PRDM9: variants seen among roughly 807,000 people sequenced by gnomAD.
PRDM9 encodes PR/SET domain 9.
PRDM9 carries 47 observed loss-of-function variants against 55.6 expected under a neutral mutation model. That is an observed-to-expected ratio of 0.85 (90% confidence interval 0.67 to 1.08). The LOEUF is 1.08. Ranked by LOEUF, PRDM9 falls within the 50% of genes least tolerant of loss-of-function variation. The pLI is 0.00. For missense variants in PRDM9, 867 were observed against 1,040.3 expected, an observed-to-expected ratio of 0.83 and a Z score of 2.29; for synonymous variants, 312 against 375.7, an observed-to-expected ratio of 0.83 and a Z score of 1.96.
At chr5:23,521,213 T>G (rs774270524) in intron 6 of PRDM9, 34 bp downstream of exon 6, 1 of 1,607,416 alleles carries the variant, frequency 6.2e-7, no homozygotes, top group East Asian at 2.2e-5. Flanking sequence ...CTTTAGTCCC[T>G]CTATGTCCTC....
At position 23,524,401 on chromosome 5, in the gene PRDM9, T is replaced by C. The variant is rs1739391091; in HGVS notation, c.1018T>C (p.Phe340Leu). Residue 340 changes from phenylalanine to leucine, a missense_variant, in exon 10 of 11, where the codon TTC becomes CTC. Around this residue, in one of 5 missense-constraint regions of PRDM9, gnomAD observed 662 missense variants for 711.9 expected, o/e 0.93. Coordinates refer to ENST00000296682, the MANE Select transcript of PRDM9 (RefSeq NM_020227.4). ...GGCCTTCCAGTACCACAGGCAGATC[T>C]TCTATAGAACCTGCCGAGTCATTAG... ...LVAFQYHRQI[F>L]YRTCRVIRPG... The C allele has an allele frequency of 6.2e-7, 1 of 1,613,732 alleles. No homozygotes were observed. The highest frequency in any genetic ancestry group is 1.7e-5 in the Admixed American group (1 of 60,002).
Position 23,528,084 on chromosome 5 carries a change from C to T in PRDM9, c.*311C>T, listed in dbSNP as rs1375165353. ...TGTTCTAATAAATTTTGTCTCCATACAAATCTGAACCCCAAGTGTGTACCT... is the reference window on the plus strand; with the variant it reads ...TGTTCTAATAAATTTTGTCTCCATATAAATCTGAACCCCAAGTGTGTACCT... On this transcript the variant is annotated 3_prime_UTR_variant, in exon 11 of 11. Transcript: ENST00000296682. The T allele has an allele frequency of 4.3e-6, 2 of 460,342 alleles. No homozygotes were observed. The highest frequency in any genetic ancestry group is 8.0e-6 in the Non-Finnish European group (2 of 251,414). The allele number at this position is 460,342 out of a possible 1,614,324, so 28.5% of individuals were successfully genotyped here.
intron 2 of PRDM9, 142 bp from the exon 3 acceptor site, chr5:23,509,328 C>T: frequency 1.4e-6 from 2 of 1,475,354 alleles, no homozygotes; most frequent in African/African-American, 1.4e-5. Context: ...AAATGGGACA[C>T]AGTCTGGAGA....
intron 2 of PRDM9, 63 bp from the exon 3 acceptor site, chr5:23,509,407 G>A: frequency 3.1e-6 from 5 of 1,612,582 alleles, no homozygotes; most frequent in Non-Finnish European, 4.2e-6. Context: ...ACACAGGGTA[G>A]AGGAAAAGGA....
intron 8 of PRDM9, 142 bp downstream of exon 8, chr5:23,523,027 C>T (rs1341731753): frequency 9.6e-6 from 14 of 1,452,884 alleles, no homozygotes; most frequent in Non-Finnish European, 1.3e-5. Context: ...TGCATGAACA[C>T]GGAACTCCTA....
At chr5:23,510,180 A>G (rs1300358092) in intron 4 of PRDM9, among the ~76,000 whole-genome samples, 153 bp downstream of exon 4, 1 of 149,452 alleles carries the variant, frequency 6.7e-6, no homozygotes, top group African/African-American at 2.5e-5. Flanking sequence ...TCAGCCTCCC[A>G]AGTAACTGGG....
chr5:23,523,871 C>T (rs1223358476), intron 9 of PRDM9, among the ~76,000 whole-genome samples: 1 of 152,118 alleles, frequency 6.6e-6, no homozygotes, highest in African/African-American at 2.4e-5. Flanking sequence ...AGGTGAATGG[C>T]ACCTGAATGA....
intron 8 of PRDM9, 63 bp downstream of exon 8, chr5:23,522,948 G>A (rs1739363957): frequency 6.2e-6 from 10 of 1,612,414 alleles, no homozygotes; most frequent in Non-Finnish European, 8.5e-7. Flanking sequence ...CCTTTGGTGG[G>A]GCATAATCTT....
intron 8 of PRDM9, 37 bp downstream of exon 8, chr5:23,522,922 C>G (rs762496809): frequency 6.2e-7 from 1 of 1,614,208 alleles, no homozygotes; most frequent in Admixed American, 1.7e-5. Flanking sequence ...TTCTGTCTTC[C>G]CACATCCCTT....
At chr5:23,522,493 C>T in intron 7 of PRDM9, 88 bp downstream of exon 7, 1 of 1,583,950 alleles carries the variant, frequency 6.3e-7, no homozygotes, top group South Asian at 1.1e-5. Flanking sequence ...CATTCCCTTA[C>T]TCTAATGAAT....
At chr5:23,517,131 C>G (rs1406615854) in intron 4 of PRDM9, among the ~76,000 whole-genome samples, 1 of 132,602 alleles carries the variant, frequency 7.5e-6, no homozygotes, top group Non-Finnish European at 1.5e-5. Context: ...CCAGCCTGGG[C>G]GACAGAGCGA....
chr5:23,527,935 G>A lies in PRDM9; in HGVS notation c.*162G>A, dbSNP rs1259667901. The A allele has an allele frequency of 3.5e-5, 33 of 944,370 alleles. No homozygotes were observed. Among genetic ancestry groups the A allele is most frequent in the Non-Finnish European group, 4.7e-5 (29 of 617,114 alleles). The allele number at this position is 944,370 out of a possible 1,614,324, so 58.5% of individuals were successfully genotyped here. A position where few individuals can be genotyped will look rare whatever the true frequency, so the allele number is the denominator to read the frequency against. On this transcript the variant is annotated 3_prime_UTR_variant, in exon 11 of 11. Coordinates refer to ENST00000296682, the MANE Select transcript of PRDM9 (RefSeq NM_020227.4). ...CGGAAATAACTGATTAAACAAATCC[G>A]CCACTTTCATGACTAGAGATGAGGA...
chr5:23,510,835 C>A (rs1432942132), intron 4 of PRDM9, among the ~76,000 whole-genome samples: 1 of 151,820 alleles, frequency 6.6e-6, no homozygotes, highest in East Asian at 2.0e-4. Context: ...CCGTGCATAG[C>A]CCCCAGGAAG....
chr5:23,527,765 G>T lies in PRDM9; in HGVS notation c.2677G>T (p.Asp893Tyr), dbSNP rs574139716. Reference protein sequence around the residue: ...TGEKPYVCREDE With the variant: ...TGEKPYVCREYE Reference sequence around the variant, plus strand: ...GGAGAAGCCCTACGTCTGCAGGGAGGATGAGTAAGTCATTAGTAATAAAAC... The same window carrying T: ...GGAGAAGCCCTACGTCTGCAGGGAGTATGAGTAAGTCATTAGTAATAAAAC... Residue 893 changes from aspartate to tyrosine, a missense_variant, in exon 11 of 11, where the codon GAT becomes TAT. This residue lies in a region of PRDM9 where 86 missense variants were observed against 73.6 expected (regional missense o/e 1.17). Coordinates refer to ENST00000296682, the MANE Select transcript of PRDM9 (RefSeq NM_020227.4). The T allele has an allele frequency of 6.8e-5, 109 of 1,613,948 alleles. No homozygotes were observed. In the South Asian group the frequency reaches 1.2e-3, roughly 17 times the overall value.
chr5:23,521,675 T>C (rs1739330980), intron 6 of PRDM9, among the ~76,000 whole-genome samples: 2 of 152,152 alleles, frequency 1.3e-5, no homozygotes, highest in South Asian at 2.1e-4. Flanking sequence ...GAACATTAAC[T>C]TTGAAGTCAT....
At chr5:23,517,035 C>T (rs1043456298) in intron 4 of PRDM9, among the ~76,000 whole-genome samples, 22 of 150,440 alleles carry the variant, frequency 1.5e-4, no homozygotes, top group African/African-American at 5.4e-4. Context: ...CGCCTGTAGT[C>T]CCAGCTACTC....
chr5:23,508,872 C>T, intron 1 of PRDM9, 78 bp from the exon 2 acceptor site: 1 of 789,472 alleles, frequency 1.3e-6, no homozygotes, highest in Non-Finnish European at 2.1e-6. Flanking sequence ...GAACACCCAG[C>T]CAGATGGAGA....
Position 23,527,464 on chromosome 5 carries a change from C to T in PRDM9, c.2376C>T (p.Leu792=), listed in dbSNP as rs759279462. 1 of 1,597,918 alleles carries T rather than the reference C, an allele frequency of 6.3e-7. No homozygotes were observed. Among genetic ancestry groups the T allele is most frequent in the Non-Finnish European group, 8.5e-7 (1 of 1,175,812 alleles). ...GRGFRDKSNL[L]SHQRTHTGEK... ...GCTTTAGAGATAAGTCAAACCTCCT[C>T]AGTCACCAGAGGACACACACAGGGG... The change falls in exon 11 of 11, where the codon CTC becomes CTT. Residue 792 remains leucine, a synonymous_variant. Coordinates refer to ENST00000296682, the MANE Select transcript of PRDM9 (RefSeq NM_020227.4).
Position 23,522,309 on chromosome 5 carries a change from A to C in PRDM9, c.514A>C (p.Arg172=), listed in dbSNP as rs763734322. The change falls in exon 7 of 11, where the codon AGG becomes CGG. Residue 172 remains arginine, a synonymous_variant. Transcript: ENST00000296682. Reference sequence around the variant, plus strand: ...TCTACTCTTCTCCAACCTAGAACTCAGGAAGAAGGAGACTGAAAGAAAGAT... The same window carrying C: ...TCTACTCTTCTCCAACCTAGAACTCCGGAAGAAGGAGACTGAAAGAAAGAT... ...GQHSRLKLEL[R]KKETERKMYS... 2.5e-6 allele frequency: 4 copies of C among 1,613,110 alleles called. No homozygotes were observed.
Sources: allele counts gnomAD v4.1 joint callset (sites outside exome capture counted in the v4.1 genomes callset), GRCh38; gene constraint gnomAD v4.1.1; regional missense constraint gnomAD v4.1.1; transcripts MANE v1.5; gene names NCBI Gene and HGNC (gene_info 2026-07-23, HGNC 2026-07-21).